UST: variants seen among roughly 807,000 people sequenced by gnomAD.
UST encodes the protein chondroitin sulfate 2-O-sulfotransferase.
UST carries 21 observed loss-of-function variants against 45.6 expected under a neutral mutation model. The ratio of observed to expected loss-of-function variants is 0.46; its 90% CI spans 0.33 to 0.66. UST has a LOEUF of 0.66. Ranked by LOEUF, UST falls within the 30% of genes least tolerant of loss-of-function variation. The pLI, the probability that UST is intolerant of heterozygous loss-of-function variation, is 0.02. For missense variants in UST, 463 were observed against 512.4 expected, an observed-to-expected ratio of 0.90 and a Z score of 0.93; for synonymous variants, 215 against 200.6, an observed-to-expected ratio of 1.07 and a Z score of -0.61.
At chr6:149,066,759 G>GA (rs1334173223) in intron 7 of UST, among the ~76,000 whole-genome samples, 1 of 151,908 alleles carries the variant, frequency 6.6e-6, no homozygotes, top group Non-Finnish European at 1.5e-5. Flanking sequence ...AGATTAACAG[G>GA]AAAAAAAGGA....
chr6:149,029,079 C>T (rs1252838659), intron 7 of UST, among the ~76,000 whole-genome samples: 1 of 152,038 alleles, frequency 6.6e-6, no homozygotes, highest in Non-Finnish European at 1.5e-5. Flanking sequence ...CTTTGCTCTG[C>T]AGACGGGAGT....
rs375709079 is a variant in UST, at chr6:148,933,947, G to A, written c.292-7332G>A. Among the ~76,000 whole-genome samples the A allele has an allele frequency of 1.4e-4, 21 of 152,304 alleles. No homozygotes were observed. In the East Asian group the frequency reaches 3.5e-3, roughly 25 times the overall value. On this transcript the variant is annotated intron_variant, in intron 2 of 7. Coordinates refer to ENST00000367463, the MANE Select transcript of UST (RefSeq NM_005715.3). ...ACCCATGTCATCAGCACAAATTACT[G>A]GAACTTTGTTTTTTCTGTTTCTTTA...
At chr6:148,948,886 T>A (rs1780299811) in intron 3 of UST, among the ~76,000 whole-genome samples, 1 of 152,184 alleles carries the variant, frequency 6.6e-6, no homozygotes, top group Non-Finnish European at 1.5e-5. Flanking sequence ...ATTTAGGGTT[T>A]GGAAAGACTT....
chr6:148,952,695 G>A (rs1780390140), intron 3 of UST, among the ~76,000 whole-genome samples: 1 of 152,148 alleles, frequency 6.6e-6, no homozygotes, highest in Non-Finnish European at 1.5e-5. Context: ...TGTTCTTGTT[G>A]CTACTGCGGT....
intron 1 of UST, among the ~76,000 whole-genome samples, chr6:148,795,822 A>G (rs916616568): frequency 1.3e-5 from 2 of 152,178 alleles, no homozygotes; most frequent in Non-Finnish European, 2.9e-5. Context: ...ATATTGACTC[A>G]TTTATTTTGC....
chr6:148,752,453 C>G (rs1776007955), intron 1 of UST, among the ~76,000 whole-genome samples: 1 of 152,158 alleles, frequency 6.6e-6, no homozygotes, highest in African/African-American at 2.4e-5. Context: ...GTTGGGGACA[C>G]AGTGGCACTA....
At chr6:148,857,762 C>A (rs200508318) in intron 1 of UST, among the ~76,000 whole-genome samples, 255 of 120,332 alleles carry the variant, frequency 2.1e-3, no homozygotes, top group Middle Eastern at 4.4e-3. Flanking sequence ...GTCTCCATCT[C>A]AAAAAAAAAA....
At chr6:148,780,491 A>G (rs1776624212) in intron 1 of UST, among the ~76,000 whole-genome samples, 1 of 151,966 alleles carries the variant, frequency 6.6e-6, no homozygotes, top group Admixed American at 6.5e-5. Flanking sequence ...CTTTGTGTCC[A>G]TGTGTTCTCA....
intron 5 of UST, among the ~76,000 whole-genome samples, chr6:149,011,557 T>G (rs1240946538): frequency 6.6e-6 from 1 of 152,220 alleles, no homozygotes; most frequent in Non-Finnish European, 1.5e-5. Flanking sequence ...CCAAAGACAT[T>G]TCTATTTTTG....
At chr6:148,776,590 A>C (rs1776539518) in intron 1 of UST, among the ~76,000 whole-genome samples, 1 of 152,206 alleles carries the variant, frequency 6.6e-6, no homozygotes, top group Non-Finnish European at 1.5e-5. Context: ...GTAGTAAAAC[A>C]TACTGTAAGG....
intron 1 of UST, among the ~76,000 whole-genome samples, chr6:148,870,596 G>T (rs928952894): frequency 5.3e-5 from 8 of 152,286 alleles, no homozygotes; most frequent in African/African-American, 1.9e-4. Flanking sequence ...CCCTTCTCTT[G>T]CTGTCAGCGT....
chr6:148,962,221 C>T (rs887894200), intron 4 of UST, among the ~76,000 whole-genome samples: 11 of 152,252 alleles, frequency 7.2e-5, no homozygotes, highest in Non-Finnish European at 1.3e-4. Context: ...TGGATTGCAA[C>T]GTGCAAACAA....
intron 1 of UST, among the ~76,000 whole-genome samples, chr6:148,885,335 C>T (rs547972083): frequency 9.9e-5 from 15 of 152,232 alleles, no homozygotes; most frequent in South Asian, 8.3e-4. Context: ...ACCAGCTGCA[C>T]GGTGGTAGAA....
chr6:148,953,520 C>T (rs182765596), intron 3 of UST, among the ~76,000 whole-genome samples: 222 of 152,272 alleles, frequency 1.5e-3, no homozygotes, highest in African/African-American at 5.2e-3. Flanking sequence ...CGGAGGCTCA[C>T]GCTTGTAATC....
Position 148,747,103 on chromosome 6 carries a change from A to G in UST, c.-328A>G, listed in dbSNP as rs1436613233. Among the ~76,000 whole-genome samples the G allele has an allele frequency of 6.6e-6, 1 of 150,796 alleles. No homozygotes were observed. Among genetic ancestry groups the G allele is most frequent in the Non-Finnish European group, 1.5e-5 (1 of 67,448 alleles). On this transcript the variant is annotated 5_prime_UTR_variant, in exon 1 of 8. Transcript: ENST00000367463. ...GCCGGGGGGTCCACGCTGGCGCTGG[A>G]GGCGAGCCCCGGCGGCCGCAAGCGA... is the stretch of plus-strand genomic sequence containing the variant.
Position 149,005,602 on chromosome 6 carries a change from C to T in UST, c.682-13537C>T, listed in dbSNP as rs918762784. On this transcript the variant is annotated intron_variant, in intron 5 of 7. Coordinates refer to ENST00000367463, the MANE Select transcript of UST (RefSeq NM_005715.3). ...GGTACTCAGTAAAGGTTAGTCCCTTCCTTCTTCTCTCCCTCCCTCTCTCCA... is the reference window on the plus strand; with the variant it reads ...GGTACTCAGTAAAGGTTAGTCCCTTTCTTCTTCTCTCCCTCCCTCTCTCCA... 4.1e-6 allele frequency: 4 copies of T among 985,304 alleles called. No individual in the cohort carries two copies. The Admixed American group carries it at 1.8e-4, about 45-fold the overall frequency. The allele number at this position is 985,304 out of a possible 1,614,324, so 61.0% of individuals were successfully genotyped here. A position where few individuals can be genotyped will look rare whatever the true frequency, so the allele number is the denominator to read the frequency against.
chr6:148,916,271 G>C (rs1022138088), intron 2 of UST, among the ~76,000 whole-genome samples: 9 of 152,218 alleles, frequency 5.9e-5, no homozygotes, highest in African/African-American at 1.9e-4. Flanking sequence ...TAAGTAATTT[G>C]CCGAAAGGGA....
rs570640954 is a variant in UST at position 148,863,730 on chromosome 6, A to C, written c.248-23256A>C. ...GTTAGTTTTCCTTCTAACAGTCAGG[A>C]CCCTCAGCTGCAGGTCTGTTGGAGT... On this transcript the variant is annotated intron_variant, in intron 1 of 7. Transcript: ENST00000367463. Among the ~76,000 whole-genome samples, 291 of 152,164 alleles carry C rather than the reference A, an allele frequency of 1.9e-3. 2 individuals are homozygous for C. The highest frequency in any genetic ancestry group is 6.7e-3 in the African/African-American group (278 of 41,504).
chr6:149,040,732 A>G (rs1582972344), intron 7 of UST, among the ~76,000 whole-genome samples: 1 of 152,210 alleles, frequency 6.6e-6, no homozygotes, highest in African/African-American at 2.4e-5. Flanking sequence ...GATTCAGTGC[A>G]TTCTCCAGCA....
Sources: gnomAD v4.1 joint callset for allele counts (sites outside exome capture counted in the v4.1 genomes callset) on GRCh38, gnomAD v4.1.1 for gene constraint, MANE v1.5 for transcripts, NCBI Gene and HGNC (gene_info 2026-07-23, HGNC 2026-07-21) for gene names.